MTAP: variants seen among roughly 807,000 people sequenced by gnomAD.
The protein encoded by MTAP is methylthioadenosine phosphorylase.
In MTAP, 33 loss-of-function variants were observed where a neutral mutation model predicts 33.6. That is an observed-to-expected ratio of 0.98 (90% confidence interval 0.74 to 1.31). The LOEUF (loss-of-function observed/expected upper bound fraction) is 1.31, where lower values mean the gene tolerates loss of function less well. Ranked by LOEUF, MTAP falls within the 40% of genes most tolerant of loss-of-function variation. The probability of loss-of-function intolerance (pLI) is 0.00; values close to 1 mark genes in which losing one functional copy is unlikely to be tolerated. For missense variants in MTAP, 367 were observed against 360.0 expected (o/e 1.02, Z -0.16); for synonymous variants, 148 against 125.7 (o/e 1.18, Z -1.19).
chr9:21,830,715 T>A (rs949231053), intron 4 of MTAP, among the ~76,000 whole-genome samples: 1 of 152,186 alleles, frequency 6.6e-6, no homozygotes, highest in African/African-American at 2.4e-5. Flanking sequence ...GAGTCACTTA[T>A]GGGAAACTGA....
chr9:21,813,719 C>T (rs58377678), intron 1 of MTAP: 76,333 of 151,878 alleles, frequency 0.5, 19,353 homozygotes, highest in South Asian at 0.68. Context: ...CCCCAGGGAG[C>T]TGGCTGAGAG....
At chr9:21,895,993 T>C (rs551363765) in intron 1 of MTAP, among the ~76,000 whole-genome samples, 3 of 152,270 alleles carry the variant, frequency 2.0e-5, no homozygotes, top group African/African-American at 7.2e-5. Flanking sequence ...TATTCCAAAA[T>C]TGACCACATA....
chr9:21,901,397 G>A (rs1011223088), intron 1 of MTAP, among the ~76,000 whole-genome samples: 5 of 152,078 alleles, frequency 3.3e-5, no homozygotes, highest in Admixed American at 3.3e-4. Context: ...TAGCACAGGA[G>A]GAAAAGTAAT....
At chr9:21,818,414 G>A (rs1285720228) in intron 4 of MTAP, among the ~76,000 whole-genome samples, 2 of 126,312 alleles carry the variant, frequency 1.6e-5, no homozygotes, top group East Asian at 2.7e-4. Flanking sequence ...TGAAACCTCC[G>A]CCTCCCAGGT....
Position 21,864,620 on chromosome 9 carries a change from G to C in MTAP, c.*2606G>C, listed in dbSNP as rs886063792. The C allele has an allele frequency of 6.1e-6, 6 of 985,368 alleles. No individual in the cohort carries two copies. Among genetic ancestry groups the C allele is most frequent in the Non-Finnish European group, 6.0e-6 (5 of 830,000 alleles). 61.0% of individuals were successfully genotyped at this position (985,368 alleles called of 1,614,324 possible). A position where few individuals can be genotyped will look rare whatever the true frequency, so the allele number is the denominator to read the frequency against. ...TCATGGTCCTTGTGACCTGGCCCCT[G>C]TTCACTGCCCCCTTCGCTAGCACGA... On this transcript the variant is annotated 3_prime_UTR_variant, in exon 8 of 8. Transcript: ENST00000644715.
chr9:21,865,661 A>G lies in MTAP; in HGVS notation c.*3647A>G. 1 of 1,005,720 alleles carries G rather than the reference A, an allele frequency of 9.9e-7. No homozygotes were observed. Among genetic ancestry groups the G allele is most frequent in the Non-Finnish European group, 1.2e-6 (1 of 840,384 alleles). 62.3% of individuals were successfully genotyped at this position (1,005,720 alleles called of 1,614,324 possible). A position where few individuals can be genotyped will look rare whatever the true frequency, so the allele number is the denominator to read the frequency against. On this transcript the variant is annotated 3_prime_UTR_variant, in exon 8 of 8. Transcript: ENST00000644715. ...AAGAAGGAATGCCAAAGATCGAGGA[A>G]ATCTACCAAGACTAGTAGGGTAGTC...
chr9:21,843,658 C>T (rs1381085923), intron 5 of MTAP, among the ~76,000 whole-genome samples: 1 of 152,104 alleles, frequency 6.6e-6, no homozygotes, highest in Non-Finnish European at 1.5e-5. Flanking sequence ...TTTAGGTCAA[C>T]AGTAAAGTCA....
In MTAP at chr9:21,930,233, C is replaced by T. The variant is rs115828564; in HGVS notation, c.148-775C>T. 6.5e-3 allele frequency: 1,570 copies of T among 242,744 alleles called. 21 individuals carry two copies. Among genetic ancestry groups the T allele is most frequent in the African/African-American group, 0.034 (1,481 of 44,138 alleles). 15.0% of individuals were successfully genotyped at this position (242,744 alleles called of 1,614,324 possible). A position where few individuals can be genotyped will look rare whatever the true frequency, so the allele number is the denominator to read the frequency against. On this transcript the variant is annotated intron_variant, in intron 1 of 1. Coordinates refer to the MTAP transcript ENST00000577563. ...CCCCATGTACCCAAGTGTTAGCAGG[C>T]ATGAATGTAGCTACCAGCTACCTGG...
Position 21,859,442 on chromosome 9 carries a change from G to A in MTAP, c.813+17G>A, listed in dbSNP as rs1563849942. The A allele has an allele frequency of 6.2e-7, 1 of 1,602,210 alleles. No individual in the cohort carries two copies. The highest frequency in any genetic ancestry group is 8.5e-7 in the Non-Finnish European group (1 of 1,176,198). On this transcript the variant is annotated intron_variant, in intron 7 of 7. Transcript: ENST00000644715. ...AACCTGAAGGTAAGTGTCAGCCATGGACAATCAGGCATGTCTGTAGACTCT... is the reference window on the plus strand; with the variant it reads ...AACCTGAAGGTAAGTGTCAGCCATGAACAATCAGGCATGTCTGTAGACTCT...
rs922751743 is a variant in MTAP, at chr9:21,865,316, G to C, written c.*3302G>C. The C allele has an allele frequency of 1.8e-6, 1 of 562,376 alleles. No homozygotes were observed. Among genetic ancestry groups the C allele is most frequent in the Non-Finnish European group, 2.3e-6 (1 of 443,892 alleles). 34.8% of individuals were successfully genotyped at this position (562,376 alleles called of 1,614,324 possible). A position where few individuals can be genotyped will look rare whatever the true frequency, so the allele number is the denominator to read the frequency against. On this transcript the variant is annotated 3_prime_UTR_variant, in exon 8 of 8. Coordinates refer to ENST00000644715, the MANE Select transcript of MTAP (RefSeq NM_002451.4). ...GAAGGACGTGTTTGTTTCCCCTTCT[G>C]CCACGATTGTAAGTTTCCTGAGGCC...
chr9:21,805,253 A>C (rs1334255646), intron 1 of MTAP, among the ~76,000 whole-genome samples: 1 of 152,208 alleles, frequency 6.6e-6, no homozygotes, highest in Non-Finnish European at 1.5e-5. Context: ...GGTGCAGTTA[A>C]CTCATGCAAG....
At chr9:21,880,882 A>T (rs894824233) in intron 1 of MTAP, among the ~76,000 whole-genome samples, 2 of 151,678 alleles carry the variant, frequency 1.3e-5, no homozygotes, top group African/African-American at 2.4e-5. Context: ...TCTCAATGGC[A>T]TTTTTTTTGC....
chr9:21,865,150 A>G lies in MTAP; in HGVS notation c.*3136A>G. 1.1e-6 allele frequency: 1 copy of G among 942,052 alleles called. No individual in the cohort carries two copies. Among genetic ancestry groups the G allele is most frequent in the Non-Finnish European group, 1.3e-6 (1 of 790,636 alleles). The allele number at this position is 942,052 out of a possible 1,614,324, so 58.4% of individuals were successfully genotyped here. A position where few individuals can be genotyped will look rare whatever the true frequency, so the allele number is the denominator to read the frequency against. On this transcript the variant is annotated 3_prime_UTR_variant, in exon 8 of 8. Transcript: ENST00000644715. Reference sequence around the variant, plus strand: ...ATAATCCCCACATGTTGTGGGAGGGACCCAGTGGGAGGTAATTAAATCATG... The same window carrying G: ...ATAATCCCCACATGTTGTGGGAGGGGCCCAGTGGGAGGTAATTAAATCATG...
intron 5 of MTAP, among the ~76,000 whole-genome samples, chr9:21,843,788 A>C (rs1245914867): frequency 6.6e-6 from 1 of 152,198 alleles, no homozygotes; most frequent in African/African-American, 2.4e-5. Flanking sequence ...TTCCTACATC[A>C]AAAAGTCTGA....
chr9:21,920,147 C>T (rs886096779), intron 1 of MTAP, among the ~76,000 whole-genome samples: 1 of 152,008 alleles, frequency 6.6e-6, no homozygotes, highest in Non-Finnish European at 1.5e-5. Context: ...GAGCGAAAAT[C>T]ATAGAGAAAT....
At chr9:21,871,129 T>C (rs1825930584), downstream of MTAP, among the ~76,000 whole-genome samples, 1 of 152,182 alleles carries the variant, frequency 6.6e-6, no homozygotes, top group Non-Finnish European at 1.5e-5. Context: ...TAAAATTTAC[T>C]TTGAAAAAAT....
chr9:21,857,425 G>A (rs1394374601), intron 6 of MTAP, among the ~76,000 whole-genome samples: 1 of 152,062 alleles, frequency 6.6e-6, no homozygotes, highest in Non-Finnish European at 1.5e-5. Context: ...ACACATCTTG[G>A]TGTTTGTGGG....
At chr9:21,824,689 G>A (rs947394874) in intron 4 of MTAP, among the ~76,000 whole-genome samples, 1 of 152,204 alleles carries the variant, frequency 6.6e-6, no homozygotes, top group East Asian at 1.9e-4. Context: ...GCTATGCCCT[G>A]CCCCCAGAGT....
At chr9:21,892,041 G>A (rs1488793966) in intron 1 of MTAP, 2 of 152,104 alleles carry the variant, frequency 1.3e-5, no homozygotes, top group African/African-American at 2.4e-5. Context: ...ATAAGAAAAC[G>A]AGAAATAAAA....
Sources: gnomAD v4.1 joint callset for allele counts (sites outside exome capture counted in the v4.1 genomes callset) on GRCh38, gnomAD v4.1.1 for gene constraint, MANE v1.5 for transcripts, NCBI Gene and HGNC (gene_info 2026-07-23, HGNC 2026-07-21) for gene names.